The following CCSER1 variants were observed in gnomAD, a reference collection of about 807,000 sequenced individuals.
CCSER1 encodes coiled-coil serine rich protein 1.
CCSER1 carries 41 observed loss-of-function variants against 82.0 expected under a neutral mutation model. The ratio of observed to expected loss-of-function variants is 0.50; its 90% confidence interval spans 0.39 to 0.65. The LOEUF is 0.65. CCSER1 is among the 30% of genes least tolerant of loss of function. The pLI, the probability that CCSER1 is intolerant of heterozygous loss-of-function variation, is 0.00. For missense variants in CCSER1, 1,119 were observed against 1,064.2 expected, an observed-to-expected ratio of 1.05 and a Z score of -0.72; for synonymous variants, 414 against 383.9, an observed-to-expected ratio of 1.08 and a Z score of -0.92.
At chr4:91,589,574 C>CTTTTTT (rs11411865) in intron 10 of CCSER1, among the ~76,000 whole-genome samples, 3 of 144,610 alleles carry the variant, frequency 2.1e-5, no homozygotes, top group Non-Finnish European at 3.0e-5. Context: ...ACAAGAGGCT[C>CTTTTTT]TTTTTTTTTT....
At chr4:91,496,992 T>C (rs902887814) in intron 10 of CCSER1, among the ~76,000 whole-genome samples, 2 of 150,102 alleles carry the variant, frequency 1.3e-5, no homozygotes, top group Admixed American at 1.4e-4. Flanking sequence ...TTCTTCTCCA[T>C]CCTGACCATT....
At chr4:91,384,382 G>A (rs115427046) in intron 10 of CCSER1, among the ~76,000 whole-genome samples, 3,563 of 148,142 alleles carry the variant, frequency 0.024, 92 homozygotes, top group African/African-American at 0.072. Flanking sequence ...GAGCGTTTCC[G>A]TTATTTTTTA....
intron 8 of CCSER1, among the ~76,000 whole-genome samples, chr4:90,818,270 CT>C (rs1034995342): frequency 1.2e-4 from 17 of 145,834 alleles, no homozygotes; most frequent in African/African-American, 4.3e-4. Flanking sequence ...TTTTTCTTTT[CT>C]TTTTTTTCTT....
At chr4:90,286,082 C>T (rs1244667198) in intron 1 of CCSER1, among the ~76,000 whole-genome samples, 3 of 151,818 alleles carry the variant, frequency 2.0e-5, no homozygotes, top group Non-Finnish European at 4.4e-5. Flanking sequence ...CTAGAGATAT[C>T]GGCCTGCATT....
chr4:90,528,645 T>C (rs1560663877), intron 5 of CCSER1, among the ~76,000 whole-genome samples: 1 of 152,226 alleles, frequency 6.6e-6, no homozygotes. Context: ...AAAGAAATGC[T>C]GTTTAGTTCT....
chr4:91,057,146 T>C (rs908652789), intron 9 of CCSER1, among the ~76,000 whole-genome samples: 3 of 152,158 alleles, frequency 2.0e-5, no homozygotes, highest in African/African-American at 7.2e-5. Flanking sequence ...TTGCCCACCC[T>C]GGCTCCTGTA....
rs199768497 is a variant in CCSER1, at chr4:90,653,448, A to AT, written c.1932+25220dup. Among the ~76,000 whole-genome samples, 1,432 of 152,224 alleles carry AT rather than the reference A, an allele frequency of 9.4e-3. 14 individuals carry two copies. The highest frequency in any genetic ancestry group is 0.031 in the Middle Eastern group (9 of 294). On this transcript the variant is annotated intron_variant, in intron 6 of 10. Transcript: ENST00000509176. ...GCTAGAAATACAAATTGAAAAAAAA[A>AT]TTTTAATGAAACGTAAGTATTGAAG...
intron 7 of CCSER1, among the ~76,000 whole-genome samples, chr4:90,783,690 C>A (rs1418807429): frequency 6.6e-6 from 1 of 152,178 alleles, no homozygotes; most frequent in East Asian, 1.9e-4. Flanking sequence ...ATATTTATCT[C>A]ACCAAGGAGA....
In CCSER1 at chr4:90,936,325, AGTG is replaced by A. The variant is rs1730926359; in HGVS notation, c.2172+12881_2172+12883del. ...TTTTCCTAGTTTATAATATCCCCAG[AGTG>A]GTAAATCATAAAAAAGAATCTTTCA... On this transcript the variant is annotated intron_variant, in intron 9 of 10. Coordinates refer to ENST00000509176, the MANE Select transcript of CCSER1 (RefSeq NM_001145065.2). Among the ~76,000 whole-genome samples, 17 of 150,900 alleles carry A rather than the reference AGTG, an allele frequency of 1.1e-4. No individual in the cohort carries two copies. The South Asian group carries it at 3.3e-3, about 29-fold the overall frequency.
At chr4:90,391,674 TGA>T (rs1751176940) in intron 3 of CCSER1, among the ~76,000 whole-genome samples, 1 of 151,344 alleles carries the variant, frequency 6.6e-6, no homozygotes, top group African/African-American at 2.4e-5. Context: ...AAATTATAAA[TGA>T]GAGTTGAGGA....
intron 3 of CCSER1, among the ~76,000 whole-genome samples, chr4:90,360,469 G>A (rs1185275797): frequency 6.6e-6 from 1 of 150,978 alleles, no homozygotes; most frequent in Non-Finnish European, 1.5e-5. Flanking sequence ...GAGACTGCTC[G>A]GGAGGCTGAG....
intron 5 of CCSER1, among the ~76,000 whole-genome samples, chr4:90,623,756 T>C (rs1374780168): frequency 6.6e-6 from 1 of 152,142 alleles, no homozygotes; most frequent in East Asian, 1.9e-4. Flanking sequence ...TTTCCTAAAA[T>C]AACACTCTCA....
intron 9 of CCSER1, among the ~76,000 whole-genome samples, chr4:91,003,616 G>A (rs1467238002): frequency 1.3e-5 from 2 of 152,088 alleles, no homozygotes; most frequent in African/African-American, 4.8e-5. Context: ...GGAGAGCAGG[G>A]CTGAGAACTT....
rs370650033 is a variant in CCSER1, at chr4:91,579,788, C to A, written c.2218-18784C>A. Among the ~76,000 whole-genome samples the A allele has an allele frequency of 8.6e-5, 13 of 151,912 alleles. No homozygotes were observed. In the East Asian group the frequency reaches 9.7e-4, roughly 11 times the overall value. ...GGGGATTAACCATGGCAAGTGAATA[C>A]CATGGTCATGAAAAGCCGAACTCCA... On this transcript the variant is annotated intron_variant, in intron 10 of 10. Coordinates refer to ENST00000509176, the MANE Select transcript of CCSER1 (RefSeq NM_001145065.2).
chr4:90,348,923 C>T (rs1409281772), intron 3 of CCSER1, among the ~76,000 whole-genome samples: 1 of 151,984 alleles, frequency 6.6e-6, no homozygotes, highest in Admixed American at 6.6e-5. Flanking sequence ...CTATTAATCT[C>T]TGAGTTTATA....
chr4:90,346,208 G>A (rs1392403531), intron 3 of CCSER1, among the ~76,000 whole-genome samples: 1 of 152,030 alleles, frequency 6.6e-6, no homozygotes, highest in Non-Finnish European at 1.5e-5. Flanking sequence ...TTATAGAAAT[G>A]TCATAGCTTA....
chr4:91,142,850 T>A (rs1274164033), intron 10 of CCSER1, among the ~76,000 whole-genome samples: 1 of 152,076 alleles, frequency 6.6e-6, no homozygotes, highest in African/African-American at 2.4e-5. Context: ...GTCTGTTTTT[T>A]TACCAGCACC....
intron 6 of CCSER1, among the ~76,000 whole-genome samples, chr4:90,637,253 G>C (rs1257513783): frequency 6.6e-6 from 1 of 152,100 alleles, no homozygotes; most frequent in Non-Finnish European, 1.5e-5. Context: ...CTTCACTGCT[G>C]GTGCTCAAGA....
rs1163108814 is a variant in CCSER1, at chr4:90,391,481, T to TAC, written c.1510-8554_1510-8553insCA. Among the ~76,000 whole-genome samples the TAC allele has an allele frequency of 1.3e-3, 118 of 87,498 alleles. 2 individuals carry two copies. The highest frequency in any genetic ancestry group is 1.9e-3 in the Non-Finnish European group (94 of 50,808). 57.4% of individuals were successfully genotyped at this position (87,498 alleles called of 152,430 possible). A position where few individuals can be genotyped will look rare whatever the true frequency, so the allele number is the denominator to read the frequency against. On this transcript the variant is annotated intron_variant, in intron 3 of 10. Coordinates refer to ENST00000509176, the MANE Select transcript of CCSER1 (RefSeq NM_001145065.2). The stretch of plus-strand genomic sequence containing the variant: ...ATATATATATATATATATATATATA[T>TAC]ATATACACACACACAGTGGGTAAAT...
Sources: gnomAD v4.1 joint callset for allele counts (sites outside exome capture counted in the v4.1 genomes callset) on GRCh38, gnomAD v4.1.1 for gene constraint, MANE v1.5 for transcripts, NCBI Gene and HGNC (gene_info 2026-07-23, HGNC 2026-07-21) for gene names.